Variants in RAB30 observed in about 807,000 individuals in gnomAD.
RAB30 encodes RAB30, member RAS oncogene family.
RAB30 carries 9 observed loss-of-function variants against 25.1 expected under a neutral mutation model. The observed-to-expected ratio is 0.36, with a 90% CI of 0.22 to 0.63. The LOEUF (loss-of-function observed/expected upper bound fraction) is 0.63, where lower values mean the gene tolerates loss of function less well. Ranked by LOEUF, RAB30 falls within the 20% of genes least tolerant of loss-of-function variation. The pLI, the probability that RAB30 is intolerant of heterozygous loss-of-function variation, is 0.69. For missense variants in RAB30, 140 were observed against 243.5 expected (o/e 0.58, Z 2.83); for synonymous variants, 77 against 86.4 (o/e 0.89, Z 0.60).
At chr11:82,987,484 C>A in intron 4 of RAB30, 103 bp downstream of exon 4, 1 of 1,178,306 alleles carries the variant, frequency 8.5e-7, no homozygotes, top group Non-Finnish European at 1.2e-6. Context: ...GAATTATTAG[C>A]TAAAGACTAT....
chr11:83,046,218 T>G (rs1858229783), intron 1 of RAB30, among the ~76,000 whole-genome samples: 1 of 152,236 alleles, frequency 6.6e-6, no homozygotes, highest in Non-Finnish European at 1.5e-5. Flanking sequence ...TGGAAAGTGA[T>G]AGGCACCCAG....
intron 1 of RAB30, among the ~76,000 whole-genome samples, chr11:83,001,736 C>T (rs1277409930): frequency 6.6e-6 from 1 of 152,160 alleles, no homozygotes. Context: ...GCGTTTCCCC[C>T]TGAATAAGGG....
rs184621498 is a variant in RAB30, at chr11:82,977,263, G to A, written c.*4902C>T. 6.6e-6 allele frequency: 1 copy of A among 152,290 alleles called. No homozygotes were observed. The highest frequency in any genetic ancestry group is 2.4e-5 in the African/African-American group (1 of 41,568). 9.4% of individuals were successfully genotyped at this position (152,290 alleles called of 1,614,324 possible). A position where few individuals can be genotyped will look rare whatever the true frequency, so the allele number is the denominator to read the frequency against. On this transcript the variant is annotated 3_prime_UTR_variant, in exon 5 of 5. Coordinates refer to ENST00000527633, the MANE Select transcript of RAB30 (RefSeq NM_001286060.2). ...CAAGTCCAGCATAGGGCATAATGGA[G>A]GGCCAGTCTCTTGGCCTAACAACGT...
At chr11:83,010,737 A>G (rs1857285281) in intron 1 of RAB30, among the ~76,000 whole-genome samples, 1 of 152,196 alleles carries the variant, frequency 6.6e-6, no homozygotes, top group Non-Finnish European at 1.5e-5. Context: ...CAGTTAGCTC[A>G]CTGCTGAGAA....
intron 3 of RAB30, among the ~76,000 whole-genome samples, chr11:82,990,671 G>A (rs1182059066): frequency 2.6e-5 from 4 of 152,062 alleles, no homozygotes; most frequent in African/African-American, 4.8e-5. Flanking sequence ...ATCTCTTAAG[G>A]CTAAAATGGT....
At chr11:83,037,195 AAAAT>A (rs947116995) in intron 1 of RAB30, among the ~76,000 whole-genome samples, 6 of 152,198 alleles carry the variant, frequency 3.9e-5, no homozygotes, top group Non-Finnish European at 7.3e-5. Flanking sequence ...GTTTTTTTAA[AAAAT>A]AAATAAATAA....
At chr11:83,045,809 A>C (rs1387845202) in intron 1 of RAB30, among the ~76,000 whole-genome samples, 1 of 152,214 alleles carries the variant, frequency 6.6e-6, no homozygotes, top group Non-Finnish European at 1.5e-5. Flanking sequence ...TTATTATCTG[A>C]GTGGTTACAC....
chr11:82,984,638 C>T (rs1047689119), intron 4 of RAB30, among the ~76,000 whole-genome samples: 1 of 152,214 alleles, frequency 6.6e-6, no homozygotes, highest in Non-Finnish European at 1.5e-5. Flanking sequence ...GAATCCACCA[C>T]ACACATGCAC....
chr11:83,026,014 C>T (rs7942582), intron 1 of RAB30, among the ~76,000 whole-genome samples: 2,303 of 152,034 alleles, frequency 0.015, 70 homozygotes, highest in African/African-American at 0.053. Context: ...CATAGTGAGA[C>T]CCCCATCTCT....
rs2121412053 is a variant in RAB30, at chr11:82,973,206, T to G, written c.*8959A>C. ...ATTTCCATTTAGTTTTTTTAAAAAA[T>G]TGTTACAAATAAAAAGTTTTTAATA... On this transcript the variant is annotated 3_prime_UTR_variant, in exon 5 of 5. Transcript: ENST00000527633. 6.6e-6 allele frequency: 1 copy of G among 152,318 alleles called. No individual in the cohort carries two copies. Among genetic ancestry groups the G allele is most frequent in the South Asian group, 2.1e-4 (1 of 4,834 alleles). The allele number at this position is 152,318 out of a possible 1,614,324, so 9.4% of individuals were successfully genotyped here.
In RAB30 at chr11:82,982,211, C is replaced by G; in HGVS notation, c.566G>C (p.Gly189Ala). Residue 189 changes from glycine (G) to alanine (A), a missense_variant, in exon 5 of 5, where the codon GGA (glycine) becomes GCA (alanine). Gly to Ala is a moderately conservative substitution (Grantham distance 60). Coordinates refer to ENST00000527633, the MANE Select transcript of RAB30 (RefSeq NM_001286060.2). ...LVNNVSSPLPGEGKSISYLTC... is the reference protein window; with the variant it reads ...LVNNVSSPLPAEGKSISYLTC... ...CAAATAGCTGATGCTTTTCCCTTCTCCAGGTAAGGGTGAGGATACATTGTT... is the reference window on the plus strand; with the variant it reads ...CAAATAGCTGATGCTTTTCCCTTCTGCAGGTAAGGGTGAGGATACATTGTT... 1 of 1,614,232 alleles carries G rather than the reference C, an allele frequency of 6.2e-7. No homozygotes were observed. The highest frequency in any genetic ancestry group is 8.5e-7 in the Non-Finnish European group (1 of 1,180,034).
intron 1 of RAB30, among the ~76,000 whole-genome samples, chr11:83,064,340 TCA>T (rs1858646812): frequency 1.3e-5 from 2 of 152,214 alleles, no homozygotes; most frequent in Non-Finnish European, 2.9e-5. Context: ...AGTCCTGGAC[TCA>T]AGCAATTCAC....
In RAB30 at chr11:83,053,341, G is replaced by A. The variant is rs139119865; in HGVS notation, c.-9+18350C>T. Among the ~76,000 whole-genome samples the A allele has an allele frequency of 1.8e-4, 28 of 152,264 alleles. No homozygotes were observed. The East Asian group carries it at 4.8e-3, about 26-fold the overall frequency. On this transcript the variant is annotated intron_variant, in intron 1 of 4. Transcript: ENST00000527633. ...TCAAATAAAATTATAAATGCAAAGGGCAGAGCACAGCTGCTCAATTAATGG... is the reference window on the plus strand; with the variant it reads ...TCAAATAAAATTATAAATGCAAAGGACAGAGCACAGCTGCTCAATTAATGG...
At chr11:83,014,740 GA>G (rs1425827582) in intron 1 of RAB30, among the ~76,000 whole-genome samples, 2 of 145,654 alleles carry the variant, frequency 1.4e-5, no homozygotes, top group East Asian at 4.1e-4. Flanking sequence ...AAAGAAATAA[GA>G]AAGAAAAAGA....
intron 1 of RAB30, among the ~76,000 whole-genome samples, chr11:83,016,198 A>C (rs1434524413): frequency 1.3e-5 from 2 of 152,160 alleles, no homozygotes; most frequent in African/African-American, 4.8e-5. Flanking sequence ...TGGCAACATG[A>C]AGGCCACTGG....
At chr11:83,023,015 G>T (rs1857617949) in intron 1 of RAB30, among the ~76,000 whole-genome samples, 2 of 151,828 alleles carry the variant, frequency 1.3e-5, no homozygotes, top group African/African-American at 4.8e-5. Context: ...ACACAAACAT[G>T]AGAAATAAGA....
intron 1 of RAB30, among the ~76,000 whole-genome samples, chr11:83,069,766 T>G (rs922935163): frequency 6.6e-6 from 1 of 152,240 alleles, no homozygotes; most frequent in Admixed American, 6.5e-5. Context: ...AAAAGTGGCA[T>G]GAGCCCAACT....
At chr11:83,065,996 T>C (rs185926353) in intron 1 of RAB30, among the ~76,000 whole-genome samples, 1 of 152,212 alleles carries the variant, frequency 6.6e-6, no homozygotes, top group Non-Finnish European at 1.5e-5. Flanking sequence ...CTTTCAGGCA[T>C]GAATTAAGAA....
At chr11:83,069,848 G>C (rs907646751) in intron 1 of RAB30, among the ~76,000 whole-genome samples, 1 of 152,066 alleles carries the variant, frequency 6.6e-6, no homozygotes, top group Non-Finnish European at 1.5e-5. Context: ...CCAGACCAGG[G>C]GTCAGGCTCA....
Sources: allele counts gnomAD v4.1 joint callset (sites outside exome capture counted in the v4.1 genomes callset), GRCh38; gene constraint gnomAD v4.1.1; transcripts MANE v1.5; gene names NCBI Gene and HGNC (gene_info 2026-07-23, HGNC 2026-07-21).